Variants in UEVLD observed in about 807,000 individuals in gnomAD.
The protein encoded by UEVLD is ubiquitin-conjugating enzyme E2 variant 3.
Under a neutral mutation model 58.6 loss-of-function variants are expected in UEVLD, and 47 were observed. The observed-to-expected ratio is 0.80, with a 90% CI of 0.63 to 1.02. The LOEUF is 1.02. Among genes scored for constraint, UEVLD ranks in the 50% least tolerant of loss-of-function variants. UEVLD has a pLI of 0.00. For missense variants in UEVLD, 510 were observed against 550.6 expected, an observed-to-expected ratio of 0.93 and a Z score of 0.74; for synonymous variants, 197 against 195.3, an observed-to-expected ratio of 1.01 and a Z score of -0.07.
In UEVLD at chr11:18,582,481, G is replaced by A. The variant is rs370709291; in HGVS notation, c.43-3673C>T. Among the ~76,000 whole-genome samples, 27 of 148,240 alleles carry A rather than the reference G, an allele frequency of 1.8e-4. No individual in the cohort carries two copies. The East Asian group carries it at 3.6e-3, about 20-fold the overall frequency. The stretch of plus-strand genomic sequence containing the variant: ...GGAGTGCAGTGGCACAATCAGGTGC[G>A]TGCCACCATGCCTGGATAATTCTTT... On this transcript the variant is annotated intron_variant, in intron 1 of 11. Coordinates refer to ENST00000396197, the MANE Select transcript of UEVLD (RefSeq NM_001040697.4).
At chr11:18,586,614 G>A (rs1358306826) in intron 1 of UEVLD, among the ~76,000 whole-genome samples, 1 of 152,086 alleles carries the variant, frequency 6.6e-6, no homozygotes. Context: ...TCAAACACCA[G>A]GGCTCAAGCT....
intron 6 of UEVLD, among the ~76,000 whole-genome samples, chr11:18,561,807 G>A (rs992051644): frequency 6.6e-6 from 1 of 151,470 alleles, no homozygotes; most frequent in African/African-American, 2.4e-5. Context: ...AATCCAGCCT[G>A]GGGAACAGGG....
intron 9 of UEVLD, among the ~76,000 whole-genome samples, chr11:18,539,506 T>TG (rs1265157753): frequency 6.6e-6 from 1 of 152,262 alleles, no homozygotes; most frequent in Non-Finnish European, 1.5e-5. Context: ...AAAAATTTGT[T>TG]ACATTGGGCG....
chr11:18,542,436 T>C (rs1851094661), intron 9 of UEVLD, among the ~76,000 whole-genome samples: 1 of 152,162 alleles, frequency 6.6e-6, no homozygotes, highest in Non-Finnish European at 1.5e-5. Flanking sequence ...TGTTGATTAG[T>C]GTGTAGTGTC....
At chr11:18,578,865 T>G in intron 1 of UEVLD, 57 bp from the exon 2 acceptor site, 1 of 1,316,676 alleles carries the variant, frequency 7.6e-7, no homozygotes, top group Non-Finnish European at 1.1e-6. Context: ...AAAGAACAAT[T>G]GCAGTTAACT....
chr11:18,570,222 A>G lies in UEVLD; in HGVS notation c.349T>C (p.Trp117Arg), dbSNP rs1392686972. 2 of 1,592,892 alleles carry G rather than the reference A, an allele frequency of 1.3e-6. No individual in the cohort carries two copies. Among genetic ancestry groups the G allele is most frequent in the Admixed American group, 3.7e-5 (2 of 54,596 alleles). ...GRIYLPYLQN[W>R]SHPKSVIVGL... ...ATCCAAATTGATCTTACATGGCTCC[A>G]GTTTTGGAGATAGGGCAAATATATT... The change falls in exon 4 of 12, where the codon TGG (tryptophan) becomes CGG (arginine). Residue 117 changes from tryptophan (W) to arginine (R), a missense_variant. Physicochemically the swap from Trp to Arg is moderately radical, Grantham distance 101 (BLOSUM62 -3). Coordinates refer to ENST00000396197, the MANE Select transcript of UEVLD (RefSeq NM_001040697.4).
At chr11:18,552,422 C>T (rs1018224651) in intron 7 of UEVLD, among the ~76,000 whole-genome samples, 1 of 151,948 alleles carries the variant, frequency 6.6e-6, no homozygotes, top group Non-Finnish European at 1.5e-5. Flanking sequence ...TGGTGTGCAC[C>T]TGTAATCCCA....
At chr11:18,572,109 A>G (rs775964873) in intron 3 of UEVLD, among the ~76,000 whole-genome samples, 2 of 151,978 alleles carry the variant, frequency 1.3e-5, no homozygotes, top group African/African-American at 4.8e-5. Context: ...GGTGGCGGGC[A>G]CCTGTAGTCC....
At chr11:18,571,078 C>T (rs534186679) in intron 3 of UEVLD, among the ~76,000 whole-genome samples, 33 of 151,990 alleles carry the variant, frequency 2.2e-4, no homozygotes, top group Admixed American at 1.8e-3. Flanking sequence ...GAAGGCCGGG[C>T]GTGGTGGCTC....
Position 18,588,664 on chromosome 11 carries a change from G to C in UEVLD, c.-10C>G, listed in dbSNP as rs767474153. 1.2e-6 allele frequency: 2 copies of C among 1,608,246 alleles called. No homozygotes were observed. The highest frequency in any genetic ancestry group is 2.2e-5 in the East Asian group (1 of 44,838). The stretch of plus-strand genomic sequence containing the variant: ...CGCAGTCGAACTCCATCTCCAGGCC[G>C]GTCCCGAGCTAGGTCCCAGGACTCC... On this transcript the variant is annotated 5_prime_UTR_variant, in exon 1 of 12. Coordinates refer to ENST00000396197, the MANE Select transcript of UEVLD (RefSeq NM_001040697.4).
At chr11:18,558,437 T>G in intron 6 of UEVLD, 107 bp from the exon 7 acceptor site, 1 of 583,804 alleles carries the variant, frequency 1.7e-6, no homozygotes, top group Non-Finnish European at 2.8e-6. Flanking sequence ...ATACACTGTC[T>G]TTTAGTGTTA....
chr11:18,559,185 T>TTTTTCTTTTC (rs372949115), intron 6 of UEVLD, among the ~76,000 whole-genome samples: 1 of 150,168 alleles, frequency 6.7e-6, no homozygotes, highest in Non-Finnish European at 1.5e-5. Context: ...TGCAGGTTTC[T>TTTTTCTTTTC]TTTTCTTTTC....
At position 18,530,028 on chromosome 11, in the gene UEVLD, T is replaced by C. The variant is rs1850504988; in HGVS notation, c.*2292A>G. The C allele has an allele frequency of 6.6e-6, 1 of 152,226 alleles. No homozygotes were observed. Among genetic ancestry groups the C allele is most frequent in the East Asian group, 1.9e-4 (1 of 5,206 alleles). The allele number at this position is 152,226 out of a possible 1,614,324, so 9.4% of individuals were successfully genotyped here. The stretch of plus-strand genomic sequence containing the variant: ...AGGTGTTAAATAAACATTTGTTGTA[T>C]TGACATGTTCCTTTTATAATTAATG... On this transcript the variant is annotated 3_prime_UTR_variant, in exon 12 of 12. Coordinates refer to ENST00000396197, the MANE Select transcript of UEVLD (RefSeq NM_001040697.4).
At chr11:18,565,610 C>A (rs888309928) in intron 5 of UEVLD, among the ~76,000 whole-genome samples, 3 of 152,174 alleles carry the variant, frequency 2.0e-5, no homozygotes, top group Non-Finnish European at 4.4e-5. Flanking sequence ...GGGAGGATCA[C>A]CTGAGGTCAG....
intron 9 of UEVLD, among the ~76,000 whole-genome samples, chr11:18,539,784 A>C (rs1850978461): frequency 6.6e-6 from 1 of 152,206 alleles, no homozygotes; most frequent in South Asian, 2.1e-4. Flanking sequence ...GTAAACTGCA[A>C]GTCAACCACC....
chr11:18,561,228 G>A (rs1192044083), intron 6 of UEVLD, among the ~76,000 whole-genome samples: 6 of 152,114 alleles, frequency 3.9e-5, no homozygotes, highest in Admixed American at 2.6e-4. Context: ...TTGGGTAACC[G>A]CCCTATGCCT....
At chr11:18,568,617 A>C (rs975620513) in intron 4 of UEVLD, among the ~76,000 whole-genome samples, 1 of 152,214 alleles carries the variant, frequency 6.6e-6, no homozygotes, top group Non-Finnish European at 1.5e-5. Context: ...AGGTAATGCA[A>C]ATAACATAAA....
chr11:18,533,382 A>G lies in UEVLD; in HGVS notation c.1249-895T>C, dbSNP rs185950529. ...TACCTCCATGAGATCAACTTTAAAA[A>G]AAAAAAAAAAAGCTCCCACGTGAGT... On this transcript the variant is annotated intron_variant, in intron 11 of 11. Transcript: ENST00000396197. 1.4e-3 allele frequency among the ~76,000 whole-genome samples: 220 copies of G among 152,140 alleles called. 1 individual carries two copies. The highest frequency in any genetic ancestry group is 4.8e-3 in the African/African-American group (201 of 41,526).
chr11:18,531,423 A>C lies in UEVLD; in HGVS notation c.*897T>G, dbSNP rs1379007129. The C allele has an allele frequency of 6.6e-6, 1 of 152,234 alleles. No individual in the cohort carries two copies. The highest frequency in any genetic ancestry group is 2.4e-5 in the African/African-American group (1 of 41,468). The allele number at this position is 152,234 out of a possible 1,614,324, so 9.4% of individuals were successfully genotyped here. A position where few individuals can be genotyped will look rare whatever the true frequency, so the allele number is the denominator to read the frequency against. On this transcript the variant is annotated 3_prime_UTR_variant, in exon 12 of 12. Coordinates refer to ENST00000396197, the MANE Select transcript of UEVLD (RefSeq NM_001040697.4). ...AAAATATTGCTCTTGATCCATCACCAAAGTGTGTGTACTCTGAACTGTATC... is the reference window on the plus strand; with the variant it reads ...AAAATATTGCTCTTGATCCATCACCCAAGTGTGTGTACTCTGAACTGTATC...
Sources: allele counts gnomAD v4.1 joint callset (sites outside exome capture counted in the v4.1 genomes callset), GRCh38; gene constraint gnomAD v4.1.1; transcripts MANE v1.5; gene names NCBI Gene and HGNC (gene_info 2026-07-23, HGNC 2026-07-21).